The following SH3D19 variants were observed in gnomAD, a reference collection of about 807,000 sequenced individuals.
The protein encoded by SH3D19 is SH3 domain containing 19.
Under a neutral mutation model 112.1 loss-of-function variants are expected in SH3D19, and 58 were observed. The observed-to-expected ratio is 0.52, with a 90% CI of 0.42 to 0.64. The LOEUF is 0.64. Among genes scored for constraint, SH3D19 ranks in the 30% least tolerant of loss-of-function variants. The pLI, the probability that SH3D19 is intolerant of heterozygous loss-of-function variation, is 0.00. For missense variants in SH3D19, 1,090 were observed against 1,263.4 expected, an observed-to-expected ratio of 0.86 and a Z score of 2.08; for synonymous variants, 391 against 448.5, an observed-to-expected ratio of 0.87 and a Z score of 1.62.
At chr4:151,144,572 C>T (rs1281602435) in intron 11 of SH3D19, among the ~76,000 whole-genome samples, 10 of 152,168 alleles carry the variant, frequency 6.6e-5, no homozygotes, top group Non-Finnish European at 1.0e-4. Context: ...GGACAAGATC[C>T]GCCAAGTCCC....
chr4:151,177,462 C>T (rs1248499513), intron 4 of SH3D19, among the ~76,000 whole-genome samples: 2 of 152,144 alleles, frequency 1.3e-5, no homozygotes, highest in African/African-American at 4.8e-5. Flanking sequence ...AATTCTGACA[C>T]CTCAGCCTCC....
intron 1 of SH3D19, among the ~76,000 whole-genome samples, chr4:151,246,723 G>A (rs534551687): frequency 6.6e-6 from 1 of 152,156 alleles, no homozygotes; most frequent in Non-Finnish European, 1.5e-5. Context: ...AGAGCCCTAT[G>A]AAGTATGTTC....
rs77084366 is a variant in SH3D19 at position 151,128,144 on chromosome 4, G to A, written c.2929+26C>T. 0.045 allele frequency: 70,657 copies of A among 1,553,848 alleles called. 2,398 individuals carry two copies. Among genetic ancestry groups the A allele is most frequent in the East Asian group, 0.19 (7,995 of 43,106 alleles). On this transcript the variant is annotated intron_variant, in intron 18 of 19. Coordinates refer to ENST00000604030, the MANE Select transcript of SH3D19 (RefSeq NM_001378122.1). ...GGTTTCAGGCTCCCCGTGAGGAGTC[G>A]CATTCATGTCTTGCGGTTGTCATAC... is the stretch of plus-strand genomic sequence containing the variant.
chr4:151,298,956 CA>C (rs1707159679), intron 1 of SH3D19, among the ~76,000 whole-genome samples: 1 of 152,188 alleles, frequency 6.6e-6, no homozygotes, highest in Non-Finnish European at 1.5e-5. Flanking sequence ...ATAAAAAGTT[CA>C]AATCCCCCAC....
At position 151,222,789 on chromosome 4, in the gene SH3D19, T is replaced by C. The variant is rs556145141; in HGVS notation, c.152+3258A>G. 2.0e-5 allele frequency among the ~76,000 whole-genome samples: 3 copies of C among 151,166 alleles called. No individual in the cohort carries two copies. The South Asian group carries it at 6.3e-4, about 32-fold the overall frequency. On this transcript the variant is annotated intron_variant, in intron 2 of 19. Coordinates refer to ENST00000604030, the MANE Select transcript of SH3D19 (RefSeq NM_001378122.1). ...CCGGGTTCAAGTAATTCTCCTGCCT[T>C]GGCCTCACAAGTAGCTGGGATTACA...
chr4:151,269,658 C>A (rs1773092061), intron 1 of SH3D19, among the ~76,000 whole-genome samples: 1 of 151,980 alleles, frequency 6.6e-6, no homozygotes, highest in Non-Finnish European at 1.5e-5. Context: ...CTTACTATAA[C>A]TTTTTTACTT....
chr4:151,148,854 A>T (rs1460442644), intron 10 of SH3D19, among the ~76,000 whole-genome samples: 4 of 152,108 alleles, frequency 2.6e-5, no homozygotes, highest in Non-Finnish European at 5.9e-5. Flanking sequence ...CCTGGCCAAC[A>T]TGGTGAAACC....
intron 4 of SH3D19, among the ~76,000 whole-genome samples, chr4:151,178,993 T>C (rs2149833961): frequency 6.6e-6 from 1 of 152,336 alleles, no homozygotes; most frequent in Non-Finnish European, 1.5e-5. Context: ...TATCCTTCCA[T>C]TCAATTTTCT....
intron 1 of SH3D19, among the ~76,000 whole-genome samples, chr4:151,278,465 C>A (rs1773868361): frequency 6.6e-6 from 1 of 151,134 alleles, no homozygotes; most frequent in Non-Finnish European, 1.5e-5. Flanking sequence ...AAAAAAAAAC[C>A]CTGACTAGTA....
intron 1 of SH3D19, chr4:151,228,141 T>A: frequency 4.4e-6 from 3 of 675,158 alleles, no homozygotes; most frequent in South Asian, 6.6e-5. Flanking sequence ...ATTGAACCAG[T>A]AATTAAAATT....
At chr4:151,244,641 C>T (rs746560968) in intron 1 of SH3D19, among the ~76,000 whole-genome samples, 1 of 152,194 alleles carries the variant, frequency 6.6e-6, no homozygotes, top group African/African-American at 2.4e-5. Context: ...GTGAAATGTA[C>T]ATTCTGAGAG....
chr4:151,260,578 C>T (rs1199255198), intron 1 of SH3D19, among the ~76,000 whole-genome samples: 5 of 152,184 alleles, frequency 3.3e-5, no homozygotes, highest in Non-Finnish European at 7.3e-5. Flanking sequence ...GGTTTTACTA[C>T]CTTCAATACA....
At chr4:151,217,949 A>G (rs1767395119) in intron 2 of SH3D19, among the ~76,000 whole-genome samples, 1 of 152,162 alleles carries the variant, frequency 6.6e-6, no homozygotes, top group Non-Finnish European at 1.5e-5. Flanking sequence ...ATATAAGCAC[A>G]CATACTACAC....
intron 2 of SH3D19, 60 bp from the exon 3 acceptor site, chr4:151,187,523 A>G (rs541052973): frequency 3.3e-5 from 34 of 1,026,808 alleles, no homozygotes; most frequent in African/African-American, 6.6e-5. Flanking sequence ...AGAGCCATTC[A>G]TAAGGCCAAG....
At chr4:151,311,496 A>G (rs1429780703) in intron 1 of SH3D19, among the ~76,000 whole-genome samples, 1 of 152,102 alleles carries the variant, frequency 6.6e-6, no homozygotes, top group African/African-American at 2.4e-5. Flanking sequence ...AAAGACTAAT[A>G]CTGTGTGATC....
intron 1 of SH3D19, among the ~76,000 whole-genome samples, chr4:151,308,906 C>T (rs1729171390): frequency 6.6e-6 from 1 of 152,080 alleles, no homozygotes; most frequent in Non-Finnish European, 1.5e-5. Flanking sequence ...TGCTCTGTCA[C>T]CCACCGGGAC....
At chr4:151,150,004 T>C (rs1754637229) in intron 9 of SH3D19, among the ~76,000 whole-genome samples, 1 of 151,040 alleles carries the variant, frequency 6.6e-6, no homozygotes, top group African/African-American at 2.4e-5. Context: ...GCTAACACAG[T>C]GAAACCCCAT....
intron 2 of SH3D19, among the ~76,000 whole-genome samples, chr4:151,192,766 C>A (rs771170307): frequency 5.3e-5 from 8 of 152,140 alleles, no homozygotes; most frequent in Non-Finnish European, 1.0e-4. Flanking sequence ...TTTAGGTCAT[C>A]CTTCTCAGGA....
At chr4:151,155,511 C>T (rs1375154701) in intron 9 of SH3D19, among the ~76,000 whole-genome samples, 3 of 151,734 alleles carry the variant, frequency 2.0e-5, no homozygotes, top group African/African-American at 7.3e-5. Flanking sequence ...GAAATTTGAA[C>T]TGAAAATTTG....
Sources: allele counts gnomAD v4.1 joint callset (sites outside exome capture counted in the v4.1 genomes callset), GRCh38; gene constraint gnomAD v4.1.1; transcripts MANE v1.5; gene names NCBI Gene and HGNC (gene_info 2026-07-23, HGNC 2026-07-21).